PABPC5: variants seen among roughly 807,000 people sequenced by gnomAD.
The protein encoded by PABPC5 is poly(A) binding protein cytoplasmic 5.
Under a neutral mutation model 12.6 loss-of-function variants are expected in PABPC5, and 6 were observed. The ratio of observed to expected loss-of-function variants is 0.48; its 90% CI spans 0.26 to 0.94. The LOEUF is 0.94. Among genes scored for constraint, PABPC5 ranks in the 40% least tolerant of loss-of-function variants. The pLI is 0.14. For synonymous variants in PABPC5, 124 were observed against 118.4 expected (o/e 1.05, Z -0.31); for missense variants, 244 against 302.8 (o/e 0.81, Z 1.44).
At position 91,436,138 on chromosome X, in the gene PABPC5, G is replaced by T. The variant is rs754562588; in HGVS notation, c.561G>T (p.Ala187=). ...VGRFKFPEER[A]AEVRTRDRAT... ...GATTCAAATTCCCAGAAGAGCGGGC[G>T]GCTGAGGTCAGAACCAGGGATAGAG... The change falls in exon 2 of 2, where the codon GCG becomes GCT. Residue 187 remains alanine (A), a synonymous_variant. Transcript: ENST00000312600. The T allele has an allele frequency of 5.7e-5, 69 of 1,209,741 alleles. No homozygotes were observed. The highest frequency in any genetic ancestry group is 7.1e-5 in the Non-Finnish European group (64 of 895,260).
rs969091286 is a variant in PABPC5, at chrX:91,435,948, A to G, written c.371A>G (p.Tyr124Cys). Reference protein sequence around the residue: ...DKSIDNRALFYLFSAFGNILS... With the variant: ...DKSIDNRALFCLFSAFGNILS... ...TCCATAGACAATAGGGCCCTGTTTT[A>G]CTTATTTTCTGCTTTTGGGAACATT... Residue 124 changes from tyrosine (Y) to cysteine (C), a missense_variant, in exon 2 of 2, where the codon TAC (tyrosine) becomes TGC (cysteine). Around this residue, in one of 3 missense-constraint regions of PABPC5, gnomAD observed 211 missense variants for 261.5 expected, o/e 0.81. Coordinates refer to ENST00000312600, the MANE Select transcript of PABPC5 (RefSeq NM_080832.3). The G allele has an allele frequency of 8.3e-7, 1 of 1,209,783 alleles. No individual in the cohort carries two copies. Among genetic ancestry groups the G allele is most frequent in the African/African-American group, 1.8e-5 (1 of 57,127 alleles).
In PABPC5 at chrX:91,436,685, C is replaced by T. The variant is rs1476585511; in HGVS notation, c.1108C>T (p.Pro370Ser). The T allele has an allele frequency of 8.3e-7, 1 of 1,208,993 alleles. No individual in the cohort carries two copies. Among genetic ancestry groups the T allele is most frequent in the East Asian group, 3.0e-5 (1 of 33,736 alleles). Residue 370 changes from proline to serine, a missense_variant, in exon 2 of 2, where the codon CCC (proline) becomes TCC (serine). Around this residue, in one of 3 missense-constraint regions of PABPC5, gnomAD observed 211 missense variants for 261.5 expected, o/e 0.81. Transcript: ENST00000312600. ...EMNGRIVGSK[P>S]LHVTLGQARR... ...GAATGGCCGCATAGTGGGCTCCAAG[C>T]CCCTGCATGTCACCCTGGGCCAGGC...
At position 91,438,446 on chromosome X, in the gene PABPC5, A is replaced by G. The variant is rs1026362798; in HGVS notation, c.*1720A>G. ...CACAATTAATATTTTCAATGTGTAA[A>G]TATCTTTTCATAATTTTTCCTACGT... is the stretch of plus-strand genomic sequence containing the variant. On this transcript the variant is annotated 3_prime_UTR_variant, in exon 2 of 2. Coordinates refer to ENST00000312600, the MANE Select transcript of PABPC5 (RefSeq NM_080832.3). 2 of 122,582 alleles carry G rather than the reference A, an allele frequency of 1.6e-5. No individual in the cohort carries two copies. Among genetic ancestry groups the G allele is most frequent in the Non-Finnish European group, 3.8e-5 (2 of 52,859 alleles). 10.1% of individuals were successfully genotyped at this position (122,582 alleles called of 1,213,427 possible).
Position 91,435,610 on chromosome X carries a change from G to T in PABPC5, c.33G>T (p.Lys11Asn). ...GCGGGGAGCCTAATCCTGCTGGCAA[G>T]AAAAAGAAGTATCTCAAGGCCGCTC... The part of the protein sequence containing the change: MGSGEPNPAG[K>N]KKKYLKAALY... The change falls in exon 2 of 2, where the codon AAG (lysine) becomes AAT (asparagine). Residue 11 changes from lysine (K) to asparagine (N), a missense_variant. By Grantham distance (94) the Lys-to-Asn change is moderately conservative (BLOSUM62 0). This residue lies in a region of PABPC5 where 29 missense variants were observed against 20.5 expected (regional missense o/e 1.41). Transcript: ENST00000312600. 8.3e-6 allele frequency: 10 copies of T among 1,209,710 alleles called. No individual in the cohort carries two copies. Among genetic ancestry groups the T allele is most frequent in the South Asian group, 1.8e-5 (1 of 56,674 alleles).
In PABPC5 at chrX:91,436,888, G is replaced by C. The variant is rs1057391001; in HGVS notation, c.*162G>C. On this transcript the variant is annotated 3_prime_UTR_variant, in exon 2 of 2. Transcript: ENST00000312600. ...AGAAAACTTTATTCATTTTAGAATAGAACATAATTTCTAACTGTAAAATTG... is the reference window on the plus strand; with the variant it reads ...AGAAAACTTTATTCATTTTAGAATACAACATAATTTCTAACTGTAAAATTG... 2.4e-5 allele frequency: 11 copies of C among 454,044 alleles called. No homozygotes were observed. The highest frequency in any genetic ancestry group is 4.0e-5 in the Non-Finnish European group (11 of 278,417). 37.4% of individuals were successfully genotyped at this position (454,044 alleles called of 1,213,427 possible).
At position 91,435,808 on chromosome X, in the gene PABPC5, C is replaced by T; in HGVS notation, c.231C>T (p.Asn77=). 8.3e-7 allele frequency: 1 copy of T among 1,211,578 alleles called. No homozygotes were observed. Among genetic ancestry groups the T allele is most frequent in the South Asian group, 1.8e-5 (1 of 56,959 alleles). The change falls in exon 2 of 2, where the codon AAC becomes AAT. Residue 77 remains asparagine, a synonymous_variant. Coordinates refer to ENST00000312600, the MANE Select transcript of PABPC5 (RefSeq NM_080832.3). ...CCGCGGATGCAGAGTGGGCCTTGAA[C>T]ACCATGAATTTTGATTTGATTAATG... ...RFPADAEWAL[N]TMNFDLINGK...
chrX:91,435,640 C>T lies in PABPC5; in HGVS notation c.63C>T (p.Tyr21=). The part of the protein sequence containing the change: ...KKKKYLKAAL[Y]VGDLDPDVTE... ...AGAAGTATCTCAAGGCCGCTCTGTA[C>T]GTGGGTGACTTGGACCCAGATGTCA... Residue 21 remains tyrosine (Y), a synonymous_variant, in exon 2 of 2, where the codon TAC becomes TAT. Coordinates refer to ENST00000312600, the MANE Select transcript of PABPC5 (RefSeq NM_080832.3). 2 of 1,211,210 alleles carry T rather than the reference C, an allele frequency of 1.7e-6. No individual in the cohort carries two copies. Among genetic ancestry groups the T allele is most frequent in the Non-Finnish European group, 1.1e-6 (1 of 895,220 alleles).
At position 91,438,441 on chromosome X, in the gene PABPC5, T is replaced by C. The variant is rs1394809500; in HGVS notation, c.*1715T>C. ...AATACCACAATTAATATTTTCAATG[T>C]GTAAATATCTTTTCATAATTTTTCC... On this transcript the variant is annotated 3_prime_UTR_variant, in exon 2 of 2. Coordinates refer to ENST00000312600, the MANE Select transcript of PABPC5 (RefSeq NM_080832.3). The C allele has an allele frequency of 8.1e-6, 1 of 122,822 alleles. No individual in the cohort carries two copies. Among genetic ancestry groups the C allele is most frequent in the Admixed American group, 9.6e-5 (1 of 10,447 alleles). 10.1% of individuals were successfully genotyped at this position (122,822 alleles called of 1,213,427 possible). A position where few individuals can be genotyped will look rare whatever the true frequency, so the allele number is the denominator to read the frequency against.
chrX:91,436,273 A>G lies in PABPC5; in HGVS notation c.696A>G (p.Arg232=). The G allele has an allele frequency of 2.5e-6, 3 of 1,211,692 alleles. No homozygotes were observed. Among genetic ancestry groups the G allele is most frequent in the Non-Finnish European group, 3.4e-6 (3 of 895,465 alleles). The change falls in exon 2 of 2, where the codon AGA becomes AGG. Residue 232 remains arginine, a synonymous_variant. Transcript: ENST00000312600. The part of the protein sequence containing the change: ...YGPTESVKVI[R]DASGKSKGFG... ...CAACTGAGAGTGTTAAAGTAATAAG[A>G]GATGCCAGTGGGAAATCTAAAGGCT...
Position 91,437,020 on chromosome X carries a change from T to A in PABPC5, c.*294T>A, listed in dbSNP as rs1931615075. On this transcript the variant is annotated 3_prime_UTR_variant, in exon 2 of 2. Coordinates refer to ENST00000312600, the MANE Select transcript of PABPC5 (RefSeq NM_080832.3). ...TCAAGGTGAGGCAATTGATTGAGTA[T>A]ATTTCCCTTCTTATTTCAGTAATAC... 3.7e-6 allele frequency: 1 copy of A among 266,973 alleles called. No individual in the cohort carries two copies. Among genetic ancestry groups the A allele is most frequent in the African/African-American group, 2.9e-5 (1 of 34,517 alleles). The allele number at this position is 266,973 out of a possible 1,213,427, so 22.0% of individuals were successfully genotyped here.
Position 91,435,577 on chromosome X carries a change from G to T in PABPC5, c.-1G>T. On this transcript the variant is annotated 5_prime_UTR_variant, in exon 2 of 2. Coordinates refer to ENST00000312600, the MANE Select transcript of PABPC5 (RefSeq NM_080832.3). Reference sequence around the variant, plus strand: ...AGAACCTCCTCCCAGTGCTCAGAGAGATGGGGAGCGGGGAGCCTAATCCTG... The same window carrying T: ...AGAACCTCCTCCCAGTGCTCAGAGATATGGGGAGCGGGGAGCCTAATCCTG... 1 of 1,198,687 alleles carries T rather than the reference G, an allele frequency of 8.3e-7. No homozygotes were observed. The highest frequency in any genetic ancestry group is 3.0e-5 in the East Asian group (1 of 33,605).
rs1931608019 is a variant in PABPC5 at position 91,436,667 on chromosome X, C to T, written c.1090C>T (p.Arg364Cys). The change falls in exon 2 of 2, where the codon CGC becomes TGC. Residue 364 changes from arginine (R) to cysteine (C), a missense_variant. Physicochemically the swap from Arg to Cys is radical, Grantham distance 180 (BLOSUM62 -3). Transcript: ENST00000312600. Reference sequence around the variant, plus strand: ...CAAAGCAGTGGATGAGATGAATGGCCGCATAGTGGGCTCCAAGCCCCTGCA... The same window carrying T: ...CAAAGCAGTGGATGAGATGAATGGCTGCATAGTGGGCTCCAAGCCCCTGCA... ...ATKAVDEMNG[R>C]IVGSKPLHVT... The T allele has an allele frequency of 8.3e-7, 1 of 1,210,631 alleles. No individual in the cohort carries two copies. The highest frequency in any genetic ancestry group is 1.1e-6 in the Non-Finnish European group (1 of 895,397).
At position 91,435,582 on chromosome X, in the gene PABPC5, G is replaced by A. The variant is rs199885595; in HGVS notation, c.5G>A (p.Gly2Glu). 1.7e-6 allele frequency: 2 copies of A among 1,199,731 alleles called. No individual in the cohort carries two copies. The highest frequency in any genetic ancestry group is 3.0e-5 in the East Asian group (1 of 33,591). ...CTCCTCCCAGTGCTCAGAGAGATGGGGAGCGGGGAGCCTAATCCTGCTGGC... is the reference window on the plus strand; with the variant it reads ...CTCCTCCCAGTGCTCAGAGAGATGGAGAGCGGGGAGCCTAATCCTGCTGGC... The part of the protein sequence containing the change: M[G>E]SGEPNPAGKK... The change falls in exon 2 of 2, where the codon GGG becomes GAG. Residue 2 changes from glycine (G) to glutamate (E), a missense_variant. Gly to Glu is a moderately conservative substitution (Grantham distance 98, BLOSUM62 -2). Coordinates refer to ENST00000312600, the MANE Select transcript of PABPC5 (RefSeq NM_080832.3).
rs1019424249 is a variant in PABPC5 at position 91,437,816 on chromosome X, A to G, written c.*1090A>G. 3 of 121,289 alleles carry G rather than the reference A, an allele frequency of 2.5e-5. No individual in the cohort carries two copies. The highest frequency in any genetic ancestry group is 3.8e-5 in the Non-Finnish European group (2 of 52,691). The allele number at this position is 121,289 out of a possible 1,213,427, so 10.0% of individuals were successfully genotyped here. A position where few individuals can be genotyped will look rare whatever the true frequency, so the allele number is the denominator to read the frequency against. On this transcript the variant is annotated 3_prime_UTR_variant, in exon 2 of 2. Coordinates refer to ENST00000312600, the MANE Select transcript of PABPC5 (RefSeq NM_080832.3). ...CCATTATATGAGAACTGTGAAACCA[A>G]TATGGTTTTCTTTATGTCTTGGCTG... is the stretch of plus-strand genomic sequence containing the variant.
In PABPC5 at chrX:91,435,441, CAG is replaced by C; in HGVS notation, c.-136_-135del. On this transcript the variant is annotated 5_prime_UTR_variant, in exon 2 of 2. Transcript: ENST00000312600. ...CTGAACTTCATTTTCTCAGCCTCGA[CAG>C]TGATTCTGAGTCTGCTTTTAGCTTC... 2 of 542,539 alleles carry C rather than the reference CAG, an allele frequency of 3.7e-6. No individual in the cohort carries two copies. The highest frequency in any genetic ancestry group is 5.7e-6 in the Non-Finnish European group (2 of 348,320). 44.7% of individuals were successfully genotyped at this position (542,539 alleles called of 1,213,427 possible). A position where few individuals can be genotyped will look rare whatever the true frequency, so the allele number is the denominator to read the frequency against.
At position 91,438,157 on chromosome X, in the gene PABPC5, A is replaced by G. The variant is rs934593827; in HGVS notation, c.*1431A>G. The G allele has an allele frequency of 8.1e-6, 1 of 122,912 alleles. No homozygotes were observed. Among genetic ancestry groups the G allele is most frequent in the Non-Finnish European group, 1.9e-5 (1 of 52,989 alleles). 10.1% of individuals were successfully genotyped at this position (122,912 alleles called of 1,213,427 possible). ...TTTTATCTCTACTGTCAGTTTTATTACCTTATATACAAATCTTCATTTTCA... is the reference window on the plus strand; with the variant it reads ...TTTTATCTCTACTGTCAGTTTTATTGCCTTATATACAAATCTTCATTTTCA... On this transcript the variant is annotated 3_prime_UTR_variant, in exon 2 of 2. Transcript: ENST00000312600.
chrX:91,435,040 G>T (rs1166664693), intron 1 of PABPC5, 146 bp downstream of exon 1: 1 of 113,244 alleles, frequency 8.8e-6, no homozygotes, highest in Non-Finnish European at 1.9e-5. Context: ...CCCTTTCGCA[G>T]ACGCTGAGTG....
At chrX:91,435,000 C>G (rs1400733418) in intron 1 of PABPC5, 106 bp downstream of exon 1, 1 of 112,307 alleles carries the variant, frequency 8.9e-6, no homozygotes, top group Non-Finnish European at 1.9e-5. Flanking sequence ...AGCCTGCCTG[C>G]CGGTCTTATC....
intron 1 of PABPC5, 133 bp downstream of exon 1, chrX:91,435,027 G>A (rs1931571881): frequency 1.8e-5 from 2 of 113,011 alleles, no homozygotes; most frequent in Non-Finnish European, 3.7e-5. Flanking sequence ...AGTGTCTGGT[G>A]TACCCTTTCG....
Sources: gnomAD v4.1 joint callset for allele counts on GRCh38, gnomAD v4.1.1 for gene constraint, gnomAD v4.1.1 regional missense constraint, MANE v1.5 for transcripts, NCBI Gene and HGNC (gene_info 2026-07-23, HGNC 2026-07-21) for gene names.